Variants in SLC24A2 observed in about 807,000 individuals in gnomAD.
SLC24A2 encodes solute carrier family 24 member 2, also known as sodium/potassium/calcium exchanger 2.
In SLC24A2, 36 loss-of-function variants were observed where a neutral mutation model predicts 62.0. That is an observed-to-expected ratio of 0.58 (90% CI 0.44 to 0.77). SLC24A2 has a LOEUF of 0.77. Among genes scored for constraint, SLC24A2 ranks in the 30% least tolerant of loss-of-function variants. SLC24A2 has a pLI of 0.00. For missense variants in SLC24A2, 846 were observed against 817.9 expected, an observed-to-expected ratio of 1.03 and a Z score of -0.42; for synonymous variants, 358 against 294.0, an observed-to-expected ratio of 1.22 and a Z score of -2.23.
At chr9:20,301,747 A>G in the SLC24A2 span, among the ~76,000 whole-genome samples, 1 of 152,162 alleles carries the variant, frequency 6.6e-6, no homozygotes, top group Non-Finnish European at 1.5e-5. Context: ...TTGACACATC[A>G]TAATCACTCA....
chr9:19,565,624 C>T (rs1303631827), intron 7 of SLC24A2, among the ~76,000 whole-genome samples: 2 of 152,068 alleles, frequency 1.3e-5, no homozygotes, highest in Non-Finnish European at 2.9e-5. Context: ...AACTAAAGTT[C>T]ATATGGAACC....
intron 2 of SLC24A2, among the ~76,000 whole-genome samples, chr9:19,693,708 T>C (rs1247347083): frequency 6.6e-6 from 1 of 152,150 alleles, no homozygotes; most frequent in African/African-American, 2.4e-5. Flanking sequence ...GTTTTTAAGA[T>C]GCTTCTCATG....
chr9:19,966,617 A>C, the SLC24A2 span, among the ~76,000 whole-genome samples: 1 of 152,222 alleles, frequency 6.6e-6, no homozygotes, highest in Non-Finnish European at 1.5e-5. Context: ...CATTCTCACT[A>C]ATAAAAATGT....
the SLC24A2 span, among the ~76,000 whole-genome samples, chr9:20,218,232 T>C: frequency 6.6e-6 from 1 of 152,222 alleles, no homozygotes; most frequent in Admixed American, 6.5e-5. Flanking sequence ...CTGTTGGTTG[T>C]TACATCAAAA....
intron 2 of SLC24A2, among the ~76,000 whole-genome samples, chr9:19,648,503 C>T (rs1332040774): frequency 1.3e-5 from 2 of 152,170 alleles, no homozygotes; most frequent in African/African-American, 2.4e-5. Context: ...CTAGAACCTA[C>T]ACCAACATAA....
At chr9:20,000,037 G>A in the SLC24A2 span, among the ~76,000 whole-genome samples, 2 of 152,204 alleles carry the variant, frequency 1.3e-5, no homozygotes, top group Middle Eastern at 3.4e-3. Context: ...TCAGTCTTTG[G>A]GGTTACACAG....
chr9:20,040,609 T>C, the SLC24A2 span, among the ~76,000 whole-genome samples: 1 of 152,330 alleles, frequency 6.6e-6, no homozygotes, highest in East Asian at 1.9e-4. Flanking sequence ...TTTTCCAAGA[T>C]CCACTTCTAG....
chr9:19,882,448 T>C, the SLC24A2 span, among the ~76,000 whole-genome samples: 1 of 152,128 alleles, frequency 6.6e-6, no homozygotes, highest in Admixed American at 6.5e-5. Flanking sequence ...CATCTTGATA[T>C]GTGTGGATCT....
chr9:19,780,879 A>G (rs1474427188), intron 2 of SLC24A2, among the ~76,000 whole-genome samples: 2 of 150,958 alleles, frequency 1.3e-5, no homozygotes, highest in Non-Finnish European at 3.0e-5. Flanking sequence ...TCTCAAAAAA[A>G]AAAAAAAAAA....
the SLC24A2 span, among the ~76,000 whole-genome samples, chr9:20,160,670 C>T: frequency 8.0e-5 from 12 of 150,384 alleles, no homozygotes; most frequent in South Asian, 4.2e-4. Flanking sequence ...AACTTGTGAG[C>T]GAAAGGAAAA....
chr9:19,900,491 A>C, the SLC24A2 span, among the ~76,000 whole-genome samples: 1 of 152,184 alleles, frequency 6.6e-6, no homozygotes, highest in Admixed American at 6.5e-5. Context: ...GGCATCAGGC[A>C]GGCCTGAGTC....
At chr9:20,119,411 G>A in the SLC24A2 span, among the ~76,000 whole-genome samples, 12 of 151,954 alleles carry the variant, frequency 7.9e-5, no homozygotes, top group East Asian at 1.2e-3. Context: ...CAAATCCATC[G>A]ATATATAAAA....
chr9:20,210,829 G>A, the SLC24A2 span, among the ~76,000 whole-genome samples: 1 of 150,586 alleles, frequency 6.6e-6, no homozygotes, highest in Non-Finnish European at 1.5e-5. Context: ...GCACGTGAAC[G>A]GTGCCAAGGG....
chr9:19,559,592 C>T (rs1164364823), intron 7 of SLC24A2, among the ~76,000 whole-genome samples: 1 of 152,094 alleles, frequency 6.6e-6, no homozygotes, highest in Non-Finnish European at 1.5e-5. Context: ...GTAAAATTAC[C>T]AAAAGTGCAT....
At chr9:19,857,727 A>G in the SLC24A2 span, among the ~76,000 whole-genome samples, 1 of 147,052 alleles carries the variant, frequency 6.8e-6, no homozygotes, top group Non-Finnish European at 1.5e-5. Flanking sequence ...ACCTTGCTAA[A>G]CTAACATTAC....
chr9:20,297,687 A>G, the SLC24A2 span, among the ~76,000 whole-genome samples: 1 of 152,208 alleles, frequency 6.6e-6, no homozygotes. Flanking sequence ...CTCAGATGCA[A>G]CACGGGTGGA....
the SLC24A2 span, among the ~76,000 whole-genome samples, chr9:20,005,204 T>C: frequency 6.6e-6 from 1 of 152,174 alleles, no homozygotes; most frequent in African/African-American, 2.4e-5. Context: ...ACTTTATCCA[T>C]AATTAATCAC....
At chr9:19,703,463 G>T (rs745346753) in intron 2 of SLC24A2, among the ~76,000 whole-genome samples, 3 of 152,194 alleles carry the variant, frequency 2.0e-5, no homozygotes, top group Non-Finnish European at 1.5e-5. Context: ...CAGTCAAGGA[G>T]ATGAGAGGGA....
chr9:20,185,354 T>A, the SLC24A2 span, among the ~76,000 whole-genome samples: 1 of 151,932 alleles, frequency 6.6e-6, no homozygotes, highest in Non-Finnish European at 1.5e-5. Flanking sequence ...TATTTGTTAA[T>A]ATAAATAAAT....
Sources: gnomAD v4.1 joint callset for allele counts (sites outside exome capture counted in the v4.1 genomes callset) on GRCh38, gnomAD v4.1.1 for gene constraint, MANE v1.5 for transcripts, NCBI Gene and HGNC (gene_info 2026-07-23, HGNC 2026-07-21) for gene names.